The following HNRNPD variants were observed in gnomAD, a reference collection of about 807,000 sequenced individuals.
The protein encoded by HNRNPD is heterogeneous nuclear ribonucleoprotein D, also known as heterogeneous nuclear ribonucleoprotein D0.
HNRNPD carries 3 observed loss-of-function variants against 47.9 expected under a neutral mutation model. That is an observed-to-expected ratio of 0.06 (90% CI 0.03 to 0.16). The LOEUF is 0.16. Among genes scored for constraint, HNRNPD ranks in the 10% least tolerant of loss-of-function variants. The pLI is 1.00. For synonymous variants in HNRNPD, 171 were observed against 165.1 expected, an observed-to-expected ratio of 1.04 and a Z score of -0.28; for missense variants, 287 against 454.2, an observed-to-expected ratio of 0.63 and a Z score of 3.35.
chr4:82,370,977 T>TACACACAC (rs755789567), intron 2 of HNRNPD, among the ~76,000 whole-genome samples: 963 of 34,490 alleles, frequency 0.028, 7 homozygotes, highest in African/African-American at 0.086. Flanking sequence ...TAATGGTATA[T>TACACACAC]ATATACACAC....
intron 3 of HNRNPD, 70 bp from the exon 4 acceptor site, chr4:82,358,890 T>A: frequency 9.0e-7 from 1 of 1,110,074 alleles, no homozygotes; most frequent in Non-Finnish European, 1.3e-6. Context: ...TTAACTTACT[T>A]AAAAATAACT....
rs937776555 is a variant in HNRNPD at position 82,373,729 on chromosome 4, G to C, written c.-51C>G. Reference sequence around the variant, plus strand: ...CCGAGACTACACCCGCCGCTGCCGCGAACCGAAACTAGCAGCAAAGTAATC... The same window carrying C: ...CCGAGACTACACCCGCCGCTGCCGCCAACCGAAACTAGCAGCAAAGTAATC... On this transcript the variant is annotated 5_prime_UTR_variant, in exon 1 of 9. Transcript: ENST00000313899. The C allele has an allele frequency of 6.5e-7, 1 of 1,527,080 alleles. No homozygotes were observed. Among genetic ancestry groups the C allele is most frequent in the Non-Finnish European group, 8.7e-7 (1 of 1,143,946 alleles). 94.6% of individuals were successfully genotyped at this position (1,527,080 alleles called of 1,614,324 possible).
intron 1 of HNRNPD, chr4:82,373,221 A>G: frequency 1.4e-6 from 1 of 712,116 alleles, no homozygotes; most frequent in Non-Finnish European, 2.5e-6. Flanking sequence ...GGTGACGGCT[A>G]AAGGTGGAAA....
At chr4:82,363,065 TAC>T (rs1719563179) in intron 2 of HNRNPD, among the ~76,000 whole-genome samples, 3 of 150,636 alleles carry the variant, frequency 2.0e-5, no homozygotes, top group Non-Finnish European at 4.4e-5. Context: ...TATATATATA[TAC>T]ATTTACAAAT....
intron 2 of HNRNPD, among the ~76,000 whole-genome samples, chr4:82,360,926 G>A (rs1281795993): frequency 6.6e-6 from 1 of 152,182 alleles, no homozygotes; most frequent in Non-Finnish European, 1.5e-5. Context: ...TTTCAGTGCA[G>A]AGTAAGTCTT....
rs567337627 is a variant in HNRNPD at position 82,364,227 on chromosome 4, A to T, written c.291-4588T>A. On this transcript the variant is annotated intron_variant, in intron 2 of 8. Coordinates refer to ENST00000313899, the MANE Select transcript of HNRNPD (RefSeq NM_031370.3). Reference sequence around the variant, plus strand: ...CTCAAGCTGCCCACCTCAGCCTCCCAAAGTGCTGGAATTCCAAACATGAAC... The same window carrying T: ...CTCAAGCTGCCCACCTCAGCCTCCCTAAGTGCTGGAATTCCAAACATGAAC... Among the ~76,000 whole-genome samples, 192 of 152,256 alleles carry T rather than the reference A, an allele frequency of 1.3e-3. 1 individual carries two copies. The highest frequency in any genetic ancestry group is 4.5e-3 in the African/African-American group (188 of 41,548).
chr4:82,367,483 GA>G (rs1315174510), intron 2 of HNRNPD, among the ~76,000 whole-genome samples: 1 of 152,112 alleles, frequency 6.6e-6, no homozygotes, highest in Non-Finnish European at 1.5e-5. Flanking sequence ...AAAGTGTAAG[GA>G]AAAATCTGTA....
At chr4:82,370,621 A>C (rs1028072563) in intron 2 of HNRNPD, among the ~76,000 whole-genome samples, 1 of 152,100 alleles carries the variant, frequency 6.6e-6, no homozygotes, top group Non-Finnish European at 1.5e-5. Context: ...GGATGAGAAT[A>C]CAGTGATAAG....
At chr4:82,371,498 T>C (rs750550670) in intron 2 of HNRNPD, 30 bp downstream of exon 2, 2 of 1,569,888 alleles carry the variant, frequency 1.3e-6, no homozygotes. Flanking sequence ...GAAACCTTTA[T>C]AATACAGAAA....
intron 2 of HNRNPD, among the ~76,000 whole-genome samples, chr4:82,370,979 T>TACACACACACACACACACACACAC (rs72155104): frequency 2.6e-5 from 2 of 78,200 alleles, no homozygotes; most frequent in African/African-American, 6.8e-5. Context: ...ATGGTATATA[T>TACACACACACACACACACACACAC]ATACACACAC....
In HNRNPD at chr4:82,373,888, C is replaced by T. The variant is rs757701296; in HGVS notation, c.-210G>A. 19 of 1,121,990 alleles carry T rather than the reference C, an allele frequency of 1.7e-5. No homozygotes were observed. The highest frequency in any genetic ancestry group is 3.3e-5 in the Admixed American group (1 of 30,186). The allele number at this position is 1,121,990 out of a possible 1,614,324, so 69.5% of individuals were successfully genotyped here. ...TCCCACTCTCGCGCGGCGCACACTC[C>T]CGCTCTCTCCCGCTGCACTAAAAAA... On this transcript the variant is annotated 5_prime_UTR_variant, in exon 1 of 9. Transcript: ENST00000313899.
At chr4:82,367,605 T>C (rs1459956755) in intron 2 of HNRNPD, among the ~76,000 whole-genome samples, 7 of 152,182 alleles carry the variant, frequency 4.6e-5, no homozygotes, top group Admixed American at 4.6e-4. Flanking sequence ...CCTGGCTGTG[T>C]GGGCTCTGTG....
chr4:82,371,267 A>T (rs1720033443), intron 2 of HNRNPD, among the ~76,000 whole-genome samples: 1 of 152,242 alleles, frequency 6.6e-6, no homozygotes. Context: ...ATATAAAAAT[A>T]TCGTTACTAA....
At chr4:82,365,784 T>C (rs1031519100) in intron 2 of HNRNPD, among the ~76,000 whole-genome samples, 16 of 145,744 alleles carry the variant, frequency 1.1e-4, no homozygotes, top group Non-Finnish European at 2.4e-4. Context: ...TTTTTTTTTT[T>C]TTTTTTTTTT....
rs1412410673 is a variant in HNRNPD at position 82,358,831 on chromosome 4, T to C, written c.460-11A>G. 12 of 1,571,124 alleles carry C rather than the reference T, an allele frequency of 7.6e-6. No homozygotes were observed. The highest frequency in any genetic ancestry group is 1.2e-5 in the South Asian group (1 of 84,892). ...TTTTTGATCCATGACCTAAGGAAAT[T>C]GAAGTTTTCATTTAAAAAATATATA... On this transcript the variant is annotated splice_polypyrimidine_tract_variant and intron_variant, in intron 3 of 8. Coordinates refer to ENST00000313899, the MANE Select transcript of HNRNPD (RefSeq NM_031370.3).
At chr4:82,372,157 C>T (rs1011142587) in intron 1 of HNRNPD, among the ~76,000 whole-genome samples, 2 of 151,738 alleles carry the variant, frequency 1.3e-5, no homozygotes, top group Admixed American at 6.6e-5. Context: ...AAAATTCAGA[C>T]ACACACACAC....
intron 2 of HNRNPD, among the ~76,000 whole-genome samples, chr4:82,364,456 G>T (rs927875092): frequency 1.3e-5 from 2 of 152,128 alleles, no homozygotes; most frequent in African/African-American, 2.4e-5. Context: ...AAGGGGTAAA[G>T]CACTATAAGC....
chr4:82,365,237 A>G (rs573135390), intron 2 of HNRNPD, among the ~76,000 whole-genome samples: 110 of 152,306 alleles, frequency 7.2e-4, no homozygotes, highest in African/African-American at 2.5e-3. Context: ...ACATGGCTTT[A>G]TAACAAGTTC....
chr4:82,358,803 T>C lies in HNRNPD; in HGVS notation c.477A>G (p.Glu159=), dbSNP rs1723837981. The change falls in exon 4 of 9, where the codon GAA becomes GAG. Residue 159 remains glutamate (E), a synonymous_variant. Coordinates refer to ENST00000313899, the MANE Select transcript of HNRNPD (RefSeq NM_031370.3). ...CAATCACCTTCCCATTCAATTTATG[T>C]TCTTTTTGATCCATGACCTAAGGAA... ...ESVDKVMDQK[E]HKLNGKVIDP... 1 of 1,605,850 alleles carries C rather than the reference T, an allele frequency of 6.2e-7. No individual in the cohort carries two copies. Among genetic ancestry groups the C allele is most frequent in the East Asian group, 2.2e-5 (1 of 44,782 alleles).
Sources: allele counts gnomAD v4.1 joint callset (sites outside exome capture counted in the v4.1 genomes callset), GRCh38; gene constraint gnomAD v4.1.1; transcripts MANE v1.5; gene names NCBI Gene and HGNC (gene_info 2026-07-23, HGNC 2026-07-21).